OSER1: variants seen among roughly 807,000 people sequenced by gnomAD.
The protein encoded by OSER1 is oxidative stress responsive serine rich 1, also known as oxidative stress-responsive serine-rich protein 1.
OSER1 carries 15 observed loss-of-function variants against 26.3 expected under a neutral mutation model. That is an observed-to-expected ratio of 0.57 (90% CI 0.38 to 0.88). The LOEUF is 0.88. Ranked by LOEUF, OSER1 falls within the 40% of genes least tolerant of loss-of-function variation. OSER1 has a pLI of 0.00. For missense variants in OSER1, 313 were observed against 353.9 expected (o/e 0.88, Z 0.93); for synonymous variants, 127 against 128.2 (o/e 0.99, Z 0.07).
chr20:44,208,526 C>T (rs1029618529), intron 1 of OSER1, among the ~76,000 whole-genome samples: 2 of 151,708 alleles, frequency 1.3e-5, no homozygotes, highest in African/African-American at 4.9e-5. Flanking sequence ...TATTTAAGTA[C>T]ATAAACATGA....
chr20:44,210,855 C>A (rs886326957), upstream of OSER1: 1 of 152,322 alleles, frequency 6.6e-6, no homozygotes, highest in South Asian at 2.1e-4. Flanking sequence ...CACCCCTCCC[C>A]CTGCTTATGC....
intron 2 of OSER1, among the ~76,000 whole-genome samples, chr20:44,204,546 T>C (rs1032184842): frequency 2.2e-4 from 34 of 152,326 alleles, no homozygotes; most frequent in Admixed American, 1.8e-3. Flanking sequence ...AGCTTTTACT[T>C]TAGATACAGG....
chr20:44,200,314 T>C (rs918556991), intron 3 of OSER1, among the ~76,000 whole-genome samples: 9 of 152,178 alleles, frequency 5.9e-5, no homozygotes, highest in Non-Finnish European at 1.0e-4. Flanking sequence ...TACCCACCCA[T>C]TCCACAAGGT....
chr20:44,210,729 G>T lies in OSER1; in HGVS notation c.-75C>A, dbSNP rs574964991. 6.6e-6 allele frequency: 1 copy of T among 152,354 alleles called. No individual in the cohort carries two copies. The highest frequency in any genetic ancestry group is 1.5e-5 in the Non-Finnish European group (1 of 68,134). 9.4% of individuals were successfully genotyped at this position (152,354 alleles called of 1,614,324 possible). A position where few individuals can be genotyped will look rare whatever the true frequency, so the allele number is the denominator to read the frequency against. ...AGCTGGGACGCTCCGGTGATGCGGG[G>T]CAGTCAGTTCAGAGCGTCTCTCCCA... On this transcript the variant is annotated 5_prime_UTR_variant, in exon 1 of 4. Coordinates refer to ENST00000255174, the MANE Select transcript of OSER1 (RefSeq NM_016470.8).
At chr20:44,207,140 T>C in intron 1 of OSER1, 142 bp from the exon 2 acceptor site, 2 of 512,056 alleles carry the variant, frequency 3.9e-6, no homozygotes, top group Non-Finnish European at 7.0e-6. Flanking sequence ...ATAGGTTTTA[T>C]TTCTTAAAGG....
Position 44,206,886 on chromosome 20 carries a change from T to C in OSER1, c.72A>G (p.Ala24=). ...TATATTACATATTTAATTACCCTGA[T>C]GCATCCACTCTTAATTTTTTGAAAG... ...QTAFKKLRVD[A]SGSVASLSVG... Residue 24 remains alanine, a synonymous_variant, in exon 2 of 4, where the codon GCA becomes GCG. Transcript: ENST00000255174. 1 of 1,262,528 alleles carries C rather than the reference T, an allele frequency of 7.9e-7. No individual in the cohort carries two copies. Among genetic ancestry groups the C allele is most frequent in the East Asian group, 2.3e-5 (1 of 43,212 alleles). The allele number at this position is 1,262,528 out of a possible 1,614,324, so 78.2% of individuals were successfully genotyped here.
intron 3 of OSER1, among the ~76,000 whole-genome samples, chr20:44,198,744 C>G (rs2072950097): frequency 6.6e-6 from 1 of 152,208 alleles, no homozygotes; most frequent in South Asian, 2.1e-4. Context: ...AAAAGCTAAA[C>G]AGAACACAGT....
intron 3 of OSER1, among the ~76,000 whole-genome samples, chr20:44,199,991 G>A (rs1223154383): frequency 1.3e-5 from 2 of 152,230 alleles, no homozygotes; most frequent in Admixed American, 6.5e-5. Context: ...CTCCCTGCCT[G>A]TTTTTGTACA....
chr20:44,203,186 G>A (rs980138471), intron 2 of OSER1, 112 bp from the exon 3 acceptor site: 11 of 561,110 alleles, frequency 2.0e-5, no homozygotes, highest in Non-Finnish European at 3.5e-5. Flanking sequence ...TTCTAGTTTG[G>A]GTTTCTCAAA....
intron 1 of OSER1, among the ~76,000 whole-genome samples, chr20:44,209,613 A>C (rs2073076981): frequency 1.1e-5 from 1 of 93,470 alleles, no homozygotes; most frequent in Admixed American, 8.5e-5. Context: ...TTCGAAGTTA[A>C]AGTCAAATCA....
chr20:44,199,825 T>C (rs2145922652), intron 3 of OSER1, among the ~76,000 whole-genome samples: 1 of 152,352 alleles, frequency 6.6e-6, no homozygotes, highest in East Asian at 1.9e-4. Flanking sequence ...TGATATTGTC[T>C]GCAGTTTCAG....
At chr20:44,198,072 C>G (rs1207509882) in intron 3 of OSER1, among the ~76,000 whole-genome samples, 2 of 152,182 alleles carry the variant, frequency 1.3e-5, no homozygotes, top group East Asian at 3.8e-4. Flanking sequence ...GGAAGCACCT[C>G]AAACATACAA....
chr20:44,206,379 T>C (rs2073037911), intron 2 of OSER1, among the ~76,000 whole-genome samples: 1 of 152,216 alleles, frequency 6.6e-6, no homozygotes, highest in African/African-American at 2.4e-5. Context: ...GGTATGCAGG[T>C]GCTCTAATTA....
upstream of OSER1, chr20:44,211,078 G>C (rs2145949607): frequency 6.6e-6 from 1 of 152,512 alleles, no homozygotes; most frequent in East Asian, 1.9e-4. Context: ...TCTCTGTTAG[G>C]TGAGTGAGTA....
At chr20:44,197,789 C>A in intron 3 of OSER1, 50 bp from the exon 4 acceptor site, 2 of 1,239,740 alleles carry the variant, frequency 1.6e-6, no homozygotes, top group East Asian at 2.4e-5. Context: ...TGGAGCTGTC[C>A]TAAACAGATT....
At position 44,197,059 on chromosome 20, in the gene OSER1, T is replaced by G; in HGVS notation, c.872A>C (p.Tyr291Ser). The change falls in exon 4 of 4, where the codon TAC becomes TCC. Residue 291 changes from tyrosine (Y) to serine (S), a missense_variant. Around this residue, in one of 2 missense-constraint regions of OSER1, gnomAD observed 13 missense variants for 35.6 expected, o/e 0.37. Transcript: ENST00000255174. ...TGAATTAGCTTCTTGCTATCAGGTG[T>G]ACATCATTTCTGCCATGTGGGACAT... ...KKMSHMAEMM[Y>S]T 1.2e-6 allele frequency: 2 copies of G among 1,604,556 alleles called. No individual in the cohort carries two copies. Among genetic ancestry groups the G allele is most frequent in the Non-Finnish European group, 1.7e-6 (2 of 1,171,486 alleles).
Position 44,197,012 on chromosome 20 carries a change from G to A in OSER1, c.*40C>T. 1 of 1,402,262 alleles carries A rather than the reference G, an allele frequency of 7.1e-7. No homozygotes were observed. The highest frequency in any genetic ancestry group is 1.0e-6 in the Non-Finnish European group (1 of 995,818). 86.9% of individuals were successfully genotyped at this position (1,402,262 alleles called of 1,614,324 possible). A position where few individuals can be genotyped will look rare whatever the true frequency, so the allele number is the denominator to read the frequency against. On this transcript the variant is annotated 3_prime_UTR_variant, in exon 4 of 4. Coordinates refer to ENST00000255174, the MANE Select transcript of OSER1 (RefSeq NM_016470.8). ...GCCATTAACTAAATCTCTTTGACAA[G>A]CCTTCATTGGTTTAAAGCATATGAA...
chr20:44,197,815 A>G (rs2145918923), intron 3 of OSER1, 76 bp from the exon 4 acceptor site: 1 of 928,386 alleles, frequency 1.1e-6, no homozygotes, highest in South Asian at 1.7e-5. Flanking sequence ...TGACAGTAGG[A>G]AATTTACCTT....
chr20:44,206,910 A>G lies in OSER1; in HGVS notation c.48T>C (p.Ala16=). ...ATGCATCCACTCTTAATTTTTTGAA[A>G]GCAGTCTGTAGACTCTCCTCCTCTC... ...KDGEEESLQT[A]FKKLRVDASG... The change falls in exon 2 of 4, where the codon GCT becomes GCC. Residue 16 remains alanine (A), a synonymous_variant. Coordinates refer to ENST00000255174, the MANE Select transcript of OSER1 (RefSeq NM_016470.8). The G allele has an allele frequency of 1.3e-6, 2 of 1,567,498 alleles. No individual in the cohort carries two copies. The highest frequency in any genetic ancestry group is 1.8e-6 in the Non-Finnish European group (2 of 1,138,088).
Sources: allele counts gnomAD v4.1 joint callset (sites outside exome capture counted in the v4.1 genomes callset), GRCh38; gene constraint gnomAD v4.1.1; regional missense constraint gnomAD v4.1.1; transcripts MANE v1.5; gene names NCBI Gene and HGNC (gene_info 2026-07-23, HGNC 2026-07-21).